The following BRINP3 variants were observed in gnomAD, a reference collection of about 807,000 sequenced individuals.
The protein encoded by BRINP3 is BMP/retinoic acid inducible neural specific 3.
A neutral mutation model predicts 71.0 loss-of-function variants in BRINP3; 19 were observed. That is an observed-to-expected ratio of 0.27 (90% CI 0.19 to 0.39). The LOEUF (loss-of-function observed/expected upper bound fraction) is 0.39, where lower values mean the gene tolerates loss of function less well. BRINP3 is among the 10% of genes least tolerant of loss of function. The probability of loss-of-function intolerance (pLI) is 1.00; values close to 1 mark genes in which losing one functional copy is unlikely to be tolerated. For synonymous variants in BRINP3, 380 were observed against 337.7 expected (o/e 1.13, Z -1.37); for missense variants, 959 against 940.8 (o/e 1.02, Z -0.25).
chr1:190,224,610 C>T (rs1170664491), intron 6 of BRINP3, among the ~76,000 whole-genome samples: 1 of 151,664 alleles, frequency 6.6e-6, no homozygotes, highest in Non-Finnish European at 1.5e-5. Flanking sequence ...ACATTACAGA[C>T]AACTAAAGCA....
At chr1:190,200,855 G>A (rs1366762777) in intron 6 of BRINP3, among the ~76,000 whole-genome samples, 2 of 152,124 alleles carry the variant, frequency 1.3e-5, no homozygotes, top group Non-Finnish European at 2.9e-5. Flanking sequence ...TGCCATGATT[G>A]TGAGGCCTCC....
intron 4 of BRINP3, among the ~76,000 whole-genome samples, chr1:190,250,733 C>T (rs1311031600): frequency 5.9e-5 from 9 of 151,930 alleles, no homozygotes; most frequent in Non-Finnish European, 5.9e-5. Flanking sequence ...TTGCCTGATA[C>T]GCAATGTTCC....
intron 2 of BRINP3, among the ~76,000 whole-genome samples, chr1:190,298,446 C>A (rs1281223573): frequency 6.7e-6 from 1 of 149,412 alleles, no homozygotes; most frequent in African/African-American, 2.5e-5. Context: ...TTTTTCTTTT[C>A]TACATGAAAG....
intron 7 of BRINP3, among the ~76,000 whole-genome samples, chr1:190,151,408 A>G (rs904765590): frequency 3.9e-5 from 6 of 152,206 alleles, no homozygotes; most frequent in Non-Finnish European, 7.3e-5. Context: ...TATGTGGCTC[A>G]TCTACAAACC....
intron 7 of BRINP3, among the ~76,000 whole-genome samples, chr1:190,148,499 G>A (rs1656099100): frequency 6.6e-6 from 1 of 151,718 alleles, no homozygotes; most frequent in Non-Finnish European, 1.5e-5. Flanking sequence ...GAGAGGCTGA[G>A]GCAGGAGAAT....
At chr1:190,114,394 C>T (rs1652951112) in intron 7 of BRINP3, among the ~76,000 whole-genome samples, 1 of 151,908 alleles carries the variant, frequency 6.6e-6, no homozygotes, top group Non-Finnish European at 1.5e-5. Flanking sequence ...TAATACAACC[C>T]CCAAAAAATC....
In BRINP3 at chr1:190,334,445, T is replaced by C. The variant is rs372890823; in HGVS notation, c.237-52695A>G. Among the ~76,000 whole-genome samples the C allele has an allele frequency of 1.9e-4, 29 of 152,010 alleles. 1 individual carries two copies. Among genetic ancestry groups the C allele is most frequent in the African/African-American group, 7.0e-4 (29 of 41,550 alleles). On this transcript the variant is annotated intron_variant, in intron 2 of 7. Transcript: ENST00000367462. ...CTGAAAAAGATGCAATTTTTTTCCATTCTTATAATTTTCAGGTTTTGTTGT... is the reference window on the plus strand; with the variant it reads ...CTGAAAAAGATGCAATTTTTTTCCACTCTTATAATTTTCAGGTTTTGTTGT...
At chr1:190,346,918 T>A (rs1021990177) in intron 2 of BRINP3, among the ~76,000 whole-genome samples, 5 of 152,150 alleles carry the variant, frequency 3.3e-5, no homozygotes, top group African/African-American at 9.7e-5. Flanking sequence ...TATATTTTTA[T>A]GGTTGTTCTC....
At chr1:190,246,291 C>T (rs537735379) in intron 4 of BRINP3, among the ~76,000 whole-genome samples, 1 of 151,972 alleles carries the variant, frequency 6.6e-6, no homozygotes, top group Non-Finnish European at 1.5e-5. Flanking sequence ...GACCAGAATC[C>T]CAGAGGAACT....
chr1:190,286,472 C>G (rs895742383), intron 2 of BRINP3, among the ~76,000 whole-genome samples: 1 of 151,984 alleles, frequency 6.6e-6, no homozygotes, highest in African/African-American at 2.4e-5. Context: ...TTGGCTTTCC[C>G]AAAACACAGA....
chr1:190,222,427 G>C (rs1656973831), intron 6 of BRINP3, among the ~76,000 whole-genome samples: 1 of 151,784 alleles, frequency 6.6e-6, no homozygotes, highest in Non-Finnish European at 1.5e-5. Flanking sequence ...GATGTTTATA[G>C]TAATAAATGC....
chr1:190,230,793 G>GCA (rs1283848463), intron 5 of BRINP3, among the ~76,000 whole-genome samples: 1 of 151,112 alleles, frequency 6.6e-6, no homozygotes, highest in Non-Finnish European at 1.5e-5. Context: ...ACACACACAG[G>GCA]CACACACATA....
chr1:190,203,020 T>A (rs927176262), intron 6 of BRINP3, among the ~76,000 whole-genome samples: 1 of 152,090 alleles, frequency 6.6e-6, no homozygotes. Flanking sequence ...AAACATGGCC[T>A]AGGAAGCTGT....
At chr1:190,268,448 C>G (rs1661835441) in intron 3 of BRINP3, among the ~76,000 whole-genome samples, 1 of 152,018 alleles carries the variant, frequency 6.6e-6, no homozygotes, top group African/African-American at 2.4e-5. Flanking sequence ...TAAAAGCCAG[C>G]AACTTTCTTA....
chr1:190,143,082 A>T (rs1655594085), intron 7 of BRINP3, among the ~76,000 whole-genome samples: 1 of 152,172 alleles, frequency 6.6e-6, no homozygotes, highest in African/African-American at 2.4e-5. Flanking sequence ...TTTTCAATCA[A>T]AAAATTAAAA....
chr1:190,396,713 G>GATAGATATATATATAT (rs1553310923), intron 2 of BRINP3, among the ~76,000 whole-genome samples: 1 of 101,022 alleles, frequency 9.9e-6, no homozygotes, highest in African/African-American at 3.8e-5. Context: ...CTAATTTAAT[G>GATAGATATATATATAT]ATATATATAT....
intron 2 of BRINP3, among the ~76,000 whole-genome samples, chr1:190,393,615 C>T (rs1671392153): frequency 1.3e-5 from 2 of 151,660 alleles, no homozygotes; most frequent in South Asian, 4.2e-4. Context: ...AAAATTTCAA[C>T]ATTCCATACT....
chr1:190,252,606 A>G (rs771725836), intron 4 of BRINP3, among the ~76,000 whole-genome samples: 2 of 152,026 alleles, frequency 1.3e-5, no homozygotes, highest in African/African-American at 2.4e-5. Context: ...GATTGCCACA[A>G]CATCATCAAT....
chr1:190,247,627 A>G (rs1177098968), intron 4 of BRINP3, among the ~76,000 whole-genome samples: 1 of 150,594 alleles, frequency 6.6e-6, no homozygotes, highest in African/African-American at 2.4e-5. Context: ...CCCATCTTCC[A>G]CTCTCCCCTA....
Sources: allele counts gnomAD v4.1 joint callset (sites outside exome capture counted in the v4.1 genomes callset), GRCh38; gene constraint gnomAD v4.1.1; transcripts MANE v1.5; gene names NCBI Gene and HGNC (gene_info 2026-07-23, HGNC 2026-07-21).